Variants in PDE2A observed in about 807,000 individuals in gnomAD.
PDE2A encodes phosphodiesterase 2A.
A neutral mutation model predicts 133.6 loss-of-function variants in PDE2A; 53 were observed. The ratio of observed to expected loss-of-function variants is 0.40; its 90% confidence interval spans 0.32 to 0.50. PDE2A has a LOEUF of 0.50. Ranked by LOEUF, PDE2A falls within the 20% of genes least tolerant of loss-of-function variation. PDE2A has a pLI of 0.73. For synonymous variants in PDE2A, 491 were observed against 490.2 expected, an observed-to-expected ratio of 1.00 and a Z score of -0.02; for missense variants, 796 against 1,232.4, an observed-to-expected ratio of 0.65 and a Z score of 5.30.
At chr11:72,646,685 T>A (rs1859135801) in intron 1 of PDE2A, among the ~76,000 whole-genome samples, 1 of 152,178 alleles carries the variant, frequency 6.6e-6, no homozygotes, top group South Asian at 2.1e-4. Context: ...GACTTTTTCC[T>A]GCTGCTTCTC....
intron 1 of PDE2A, chr11:72,668,182 A>G (rs1376438008): frequency 2.8e-6 from 2 of 710,096 alleles, no homozygotes; most frequent in Admixed American, 2.0e-5. Context: ...CTCACATCCA[A>G]CTTTAGTTGT....
intron 2 of PDE2A, among the ~76,000 whole-genome samples, chr11:72,614,082 C>T (rs933814383): frequency 6.6e-6 from 1 of 152,236 alleles, no homozygotes; most frequent in African/African-American, 2.4e-5. Context: ...GACTCTATGC[C>T]TCCTCGCAGC....
intron 4 of PDE2A, among the ~76,000 whole-genome samples, chr11:72,604,145 C>G (rs1161185875): frequency 6.6e-6 from 1 of 152,228 alleles, no homozygotes. Context: ...TCCCTGGGCC[C>G]CACAATGGCC....
intron 27 of PDE2A, 99 bp from the exon 28 acceptor site, chr11:72,579,108 G>A: frequency 2.0e-6 from 2 of 1,015,104 alleles, no homozygotes; most frequent in Non-Finnish European, 3.1e-6. Flanking sequence ...CCAGGGAATT[G>A]GGCACCCTTG....
chr11:72,625,796 C>T (rs569254801), intron 2 of PDE2A, among the ~76,000 whole-genome samples: 5 of 152,248 alleles, frequency 3.3e-5, no homozygotes, highest in African/African-American at 9.6e-5. Flanking sequence ...CCAGCAAGGG[C>T]GCTGCCAAGC....
intron 1 of PDE2A, among the ~76,000 whole-genome samples, chr11:72,650,531 G>A (rs887014839): frequency 6.6e-6 from 1 of 151,728 alleles, no homozygotes; most frequent in Non-Finnish European, 1.5e-5. Context: ...ATCCCCCCGT[G>A]CCCCACCTCA....
At chr11:72,602,586 C>A (rs563684305) in intron 4 of PDE2A, among the ~76,000 whole-genome samples, 3 of 152,196 alleles carry the variant, frequency 2.0e-5, no homozygotes, top group Non-Finnish European at 4.4e-5. Context: ...CTGTACCCAA[C>A]CCCACCCATT....
chr11:72,580,098 G>A (rs11235543), intron 25 of PDE2A, among the ~76,000 whole-genome samples: 33,963 of 151,930 alleles, frequency 0.22, 4,353 homozygotes, highest in East Asian at 0.49. Flanking sequence ...AGAGAACCTC[G>A]TCTCTGGGGG....
In PDE2A at chr11:72,582,564, G is replaced by C. The variant is rs759612535; in HGVS notation, c.1731C>G (p.Val577=). The change falls in exon 21 of 31, where the codon GTC becomes GTG. Residue 577 remains valine (V), a splice_region_variant and synonymous_variant. Transcript: ENST00000334456. The part of the protein sequence containing the change: ...ANEMMMYHMK[V]SDDEYTKLLH... ...GAAGTTTGGTATACTCATCATCGGAGACCTAGAGGAGACCAGCCAGAGCAT... is the reference window on the plus strand; with the variant it reads ...GAAGTTTGGTATACTCATCATCGGACACCTAGAGGAGACCAGCCAGAGCAT... 1.2e-6 allele frequency: 2 copies of C among 1,610,824 alleles called. No individual in the cohort carries two copies.
At chr11:72,580,135 G>A (rs370013) in intron 25 of PDE2A, among the ~76,000 whole-genome samples, 114,681 of 151,880 alleles carry the variant, frequency 0.76, 43,996 homozygotes, top group Middle Eastern at 0.86. Flanking sequence ...GCCTCTGGAG[G>A]GGTGTTGTGG....
intron 2 of PDE2A, among the ~76,000 whole-genome samples, chr11:72,611,606 G>A (rs1002548313): frequency 3.9e-5 from 6 of 152,236 alleles, no homozygotes; most frequent in Non-Finnish European, 7.3e-5. Context: ...GTTGGGGAGA[G>A]TTGGGGCAGC....
intron 21 of PDE2A, 77 bp from the exon 22 acceptor site, chr11:72,582,024 T>C: frequency 1.7e-6 from 2 of 1,164,132 alleles, no homozygotes; most frequent in South Asian, 2.4e-5. Context: ...TTCTTCAAGC[T>C]CCACACTCAA....
chr11:72,619,858 T>C (rs1857665867), intron 2 of PDE2A, among the ~76,000 whole-genome samples: 2 of 152,160 alleles, frequency 1.3e-5, no homozygotes, highest in Non-Finnish European at 2.9e-5. Flanking sequence ...TGGACCTTCC[T>C]GGGCTCAGTT....
chr11:72,620,718 T>A (rs1247879742), intron 2 of PDE2A, among the ~76,000 whole-genome samples: 2 of 152,110 alleles, frequency 1.3e-5, no homozygotes, highest in Non-Finnish European at 2.9e-5. Context: ...GGGCTTTTTC[T>A]TGAGCAAATT....
At chr11:72,634,097 G>C (rs1858556999) in intron 2 of PDE2A, among the ~76,000 whole-genome samples, 1 of 152,196 alleles carries the variant, frequency 6.6e-6, no homozygotes, top group African/African-American at 2.4e-5. Flanking sequence ...AACCCAGAGA[G>C]CGCCAGAGAC....
At chr11:72,630,964 G>T in intron 2 of PDE2A, 2 of 803,488 alleles carry the variant, frequency 2.5e-6, no homozygotes, top group East Asian at 2.7e-5. Context: ...CTGGGGCTGG[G>T]ATGTGACTCC....
Position 72,657,484 on chromosome 11 carries a change from C to T in PDE2A, c.72-15158G>A, listed in dbSNP as rs542987763. 7.1e-4 allele frequency among the ~76,000 whole-genome samples: 108 copies of T among 152,296 alleles called. 1 individual carries two copies. The highest frequency in any genetic ancestry group is 3.1e-3 in the South Asian group (15 of 4,830). On this transcript the variant is annotated intron_variant, in intron 1 of 30. Coordinates refer to ENST00000334456, the MANE Select transcript of PDE2A (RefSeq NM_002599.5). ...TGCCCCGGCCCCTGCCCCTCCCACT[C>T]CTCCATCTCCCTCAGGCCCCAGCCC...
intron 4 of PDE2A, among the ~76,000 whole-genome samples, chr11:72,603,001 G>C (rs1856824128): frequency 6.6e-6 from 1 of 152,218 alleles, no homozygotes; most frequent in African/African-American, 2.4e-5. Flanking sequence ...ACCAGAGAGA[G>C]CACTGGGCCT....
rs1003144338 is a variant in PDE2A at position 72,656,226 on chromosome 11, A to G, written c.72-13900T>C. Among the ~76,000 whole-genome samples, 43 of 152,264 alleles carry G rather than the reference A, an allele frequency of 2.8e-4. 1 individual carries two copies. The highest frequency in any genetic ancestry group is 2.8e-3 in the Admixed American group (43 of 15,308). On this transcript the variant is annotated intron_variant, in intron 1 of 30. Transcript: ENST00000334456. ...CCAGCCCAGCCACTGACCTGTTGTA[A>G]CCCTGAATGAGTCACTGTTACCTCG...
Sources: allele counts gnomAD v4.1 joint callset (sites outside exome capture counted in the v4.1 genomes callset), GRCh38; gene constraint gnomAD v4.1.1; transcripts MANE v1.5; gene names NCBI Gene and HGNC (gene_info 2026-07-23, HGNC 2026-07-21).